The following ADCYAP1 variants were observed in gnomAD, a reference collection of about 807,000 sequenced individuals.
ADCYAP1 encodes pituitary adenylate cyclase-activating polypeptide.
In ADCYAP1, 6 loss-of-function variants were observed where a neutral mutation model predicts 18.5. That is an observed-to-expected ratio of 0.32 (90% CI 0.18 to 0.64). The LOEUF is 0.64. ADCYAP1 is among the 30% of genes least tolerant of loss of function. The pLI is 0.77. For missense variants in ADCYAP1, 314 were observed against 253.6 expected (o/e 1.24, Z -1.62); for synonymous variants, 136 against 113.9 (o/e 1.19, Z -1.24).
In ADCYAP1 at chr18:910,052, A is replaced by G. The variant is rs1031468207; in HGVS notation, c.*417A>G. On this transcript the variant is annotated 3_prime_UTR_variant, in exon 5 of 5. Transcript: ENST00000450565. Reference sequence around the variant, plus strand: ...TTTTGTAAACTGGAATTAAAAGGATAGTATTTTTATCCATGACAGGCCTGA... The same window carrying G: ...TTTTGTAAACTGGAATTAAAAGGATGGTATTTTTATCCATGACAGGCCTGA... The G allele has an allele frequency of 2.6e-5, 4 of 152,600 alleles. No individual in the cohort carries two copies. Among genetic ancestry groups the G allele is most frequent in the African/African-American group, 9.7e-5 (4 of 41,440 alleles). 9.5% of individuals were successfully genotyped at this position (152,600 alleles called of 1,614,324 possible).
rs576442689 is a variant in ADCYAP1, at chr18:904,920, G to C, written c.-142G>C. 7.0e-5 allele frequency: 90 copies of C among 1,289,848 alleles called. No individual in the cohort carries two copies. The highest frequency in any genetic ancestry group is 9.2e-5 in the Admixed American group (4 of 43,564). The allele number at this position is 1,289,848 out of a possible 1,614,324, so 79.9% of individuals were successfully genotyped here. A position where few individuals can be genotyped will look rare whatever the true frequency, so the allele number is the denominator to read the frequency against. ...TCCCGCAGCTCCTCCTGCTGCTCCC[G>C]CTGGTTCCTGCGGCTTCTGCTCAGA... is the stretch of plus-strand genomic sequence containing the variant. On this transcript the variant is annotated 5_prime_UTR_variant, in exon 1 of 5. Transcript: ENST00000450565.
intron 3 of ADCYAP1, 126 bp from the exon 4 acceptor site, chr18:908,139 G>A: frequency 1.2e-6 from 1 of 819,800 alleles, no homozygotes; most frequent in East Asian, 2.8e-5. Context: ...CGAGTTCTGG[G>A]CCTCTGGAGG....
chr18:907,049 TAA>T (rs1909193980), intron 2 of ADCYAP1, among the ~76,000 whole-genome samples: 1 of 152,182 alleles, frequency 6.6e-6, no homozygotes, highest in Admixed American at 6.5e-5. Flanking sequence ...CCGAACTGGC[TAA>T]GTTTAGGGGC....
rs1909399520 is a variant in ADCYAP1, at chr18:911,833, T to C, written c.*2198T>C. ...ATGGGCAGAGTTTTCTGTATTTGTA[T>C]CAGCTGTTAGTGGTGAAATAGGGCT... is the stretch of plus-strand genomic sequence containing the variant. On this transcript the variant is annotated 3_prime_UTR_variant, in exon 5 of 5. Transcript: ENST00000450565. The C allele has an allele frequency of 6.6e-6, 1 of 152,240 alleles. No individual in the cohort carries two copies. The highest frequency in any genetic ancestry group is 2.4e-5 in the African/African-American group (1 of 41,466). 9.4% of individuals were successfully genotyped at this position (152,240 alleles called of 1,614,324 possible). A position where few individuals can be genotyped will look rare whatever the true frequency, so the allele number is the denominator to read the frequency against.
rs1909222537 is a variant in ADCYAP1, at chr18:907,679, G to A, written c.131G>A (p.Gly44Asp). The A allele has an allele frequency of 6.3e-7, 1 of 1,575,926 alleles. No individual in the cohort carries two copies. Among genetic ancestry groups the A allele is most frequent in the Non-Finnish European group, 8.6e-7 (1 of 1,169,390 alleles). Reference protein sequence around the residue: ...PGIRPEEEAYGEDGNPLPDFD... With the variant: ...PGIRPEEEAYDEDGNPLPDFD... Reference sequence around the variant, plus strand: ...CGCAGGCCAGAGGAAGAGGCGTACGGCGAGGACGGAAACCCGCTGCCAGAC... The same window carrying A: ...CGCAGGCCAGAGGAAGAGGCGTACGACGAGGACGGAAACCCGCTGCCAGAC... The change falls in exon 3 of 5, where the codon GGC becomes GAC. Residue 44 changes from glycine (G) to aspartate (D), a missense_variant. Gly to Asp is a moderately conservative substitution (Grantham distance 94). Transcript: ENST00000450565.
At chr18:907,841 CG>C in intron 3 of ADCYAP1, 51 bp downstream of exon 3, 1 of 1,412,282 alleles carries the variant, frequency 7.1e-7, no homozygotes, top group Non-Finnish European at 9.1e-7. Context: ...CTCGGGACTG[CG>C]GTGACGGGAG....
chr18:905,360 T>G (rs1909122668), intron 1 of ADCYAP1, 26 bp from the exon 2 acceptor site: 24 of 1,611,252 alleles, frequency 1.5e-5, no homozygotes, highest in Non-Finnish European at 1.9e-5. Flanking sequence ...CTCACAGCTG[T>G]GTGTCCTCTT....
intron 2 of ADCYAP1, 81 bp from the exon 3 acceptor site, chr18:907,578 G>A: frequency 1.4e-6 from 2 of 1,427,590 alleles, no homozygotes; most frequent in Non-Finnish European, 1.9e-6. Context: ...GAAAATCCGC[G>A]CGAGCCCCTT....
upstream of ADCYAP1, chr18:904,500 C>T (rs1425351684): frequency 4.7e-6 from 6 of 1,289,154 alleles, no homozygotes; most frequent in Non-Finnish European, 6.1e-6. Context: ...GCGAACTGCA[C>T]AGATAAATAG....
At position 907,724 on chromosome 18, in the gene ADCYAP1, C is replaced by T; in HGVS notation, c.176C>T (p.Pro59Leu). The change falls in exon 3 of 5, where the codon CCG becomes CTG. Residue 59 changes from proline to leucine, a missense_variant. Transcript: ENST00000450565. ...CCAGACTTCGATGGCTCGGAGCCGC[C>T]GGGCGCAGGGAGCCCCGCCTCCGCG... The part of the protein sequence containing the change: ...PLPDFDGSEP[P>L]GAGSPASAPR... The T allele has an allele frequency of 1.3e-6, 2 of 1,535,012 alleles. No homozygotes were observed. The highest frequency in any genetic ancestry group is 8.7e-7 in the Non-Finnish European group (1 of 1,147,740).
chr18:904,463 C>T (rs745880059), upstream of ADCYAP1: 5 of 1,289,108 alleles, frequency 3.9e-6, no homozygotes, highest in South Asian at 4.9e-5. Context: ...AGAGGGCTCT[C>T]CAAAAACCAT....
chr18:907,103 A>T (rs1356150761), intron 2 of ADCYAP1, among the ~76,000 whole-genome samples: 1 of 152,140 alleles, frequency 6.6e-6, no homozygotes, highest in Non-Finnish European at 1.5e-5. Context: ...CCTGCCCAAA[A>T]TAGAAACCGA....
In ADCYAP1 at chr18:905,394, T is replaced by A; in HGVS notation, c.8T>A (p.Met3Lys). The change falls in exon 2 of 5, where the codon ATG becomes AAG. Residue 3 changes from methionine to lysine, a missense_variant. By Grantham distance (95) the Met-to-Lys change is moderately conservative. Transcript: ENST00000450565. The stretch of plus-strand genomic sequence containing the variant: ...TTTCCCATCCTGCGCAGAATGACCA[T>A]GTGTAGCGGAGCGAGGCTGGCCCTG... MT[M>K]CSGARLALLV... 6.2e-7 allele frequency: 1 copy of A among 1,613,050 alleles called. No homozygotes were observed.
At chr18:908,893 G>T (rs950222334) in intron 4 of ADCYAP1, among the ~76,000 whole-genome samples, 6 of 151,996 alleles carry the variant, frequency 3.9e-5, no homozygotes, top group Non-Finnish European at 8.8e-5. Context: ...TTACATTTTC[G>T]CCATGAATAA....
intron 3 of ADCYAP1, chr18:908,018 A>C (rs527424382): frequency 2.5e-6 from 2 of 808,092 alleles, no homozygotes; most frequent in Admixed American, 3.1e-5. Flanking sequence ...TGGCCCAAAG[A>C]GTGGCAGTGA....
Position 907,596 on chromosome 18 carries a change from A to C in ADCYAP1, c.111-63A>C, listed in dbSNP as rs536257877. The C allele has an allele frequency of 7.2e-5, 109 of 1,510,332 alleles. No individual in the cohort carries two copies. In the African/African-American group the frequency reaches 1.2e-3, roughly 17 times the overall value. The allele number at this position is 1,510,332 out of a possible 1,614,324, so 93.6% of individuals were successfully genotyped here. A position where few individuals can be genotyped will look rare whatever the true frequency, so the allele number is the denominator to read the frequency against. ...AATCCGCGCGAGCCCCTTACTTTGG[A>C]TCCTCGCCGAGCTGGGGAGGAACTT... is the stretch of plus-strand genomic sequence containing the variant. On this transcript the variant is annotated intron_variant, in intron 2 of 4. Coordinates refer to ENST00000450565, the MANE Select transcript of ADCYAP1 (RefSeq NM_001099733.2).
chr18:904,737 T>TGGAC, upstream of ADCYAP1: 1 of 1,245,142 alleles, frequency 8.0e-7, no homozygotes. Context: ...TTCCTCCGGG[T>TGGAC]GGACTTACGG....
At chr18:905,266 A>G in intron 1 of ADCYAP1, 120 bp from the exon 2 acceptor site, 1 of 1,509,042 alleles carries the variant, frequency 6.6e-7, no homozygotes, top group Non-Finnish European at 8.8e-7. Flanking sequence ...AGTGCTGTTC[A>G]ACTCAGGGAG....
rs1909099559 is a variant in ADCYAP1, at chr18:904,899, G to A, written c.-163G>A. The A allele has an allele frequency of 2.3e-6, 3 of 1,288,910 alleles. No homozygotes were observed. The highest frequency in any genetic ancestry group is 3.0e-6 in the Non-Finnish European group (3 of 988,486). 79.8% of individuals were successfully genotyped at this position (1,288,910 alleles called of 1,614,324 possible). A position where few individuals can be genotyped will look rare whatever the true frequency, so the allele number is the denominator to read the frequency against. ...ACACGAGCCTCGGCAAACGAGTCCC[G>A]CAGCTCCTCCTGCTGCTCCCGCTGG... On this transcript the variant is annotated 5_prime_UTR_variant, in exon 1 of 5. Transcript: ENST00000450565.
Sources: allele counts gnomAD v4.1 joint callset (sites outside exome capture counted in the v4.1 genomes callset), GRCh38; gene constraint gnomAD v4.1.1; transcripts MANE v1.5; gene names NCBI Gene and HGNC (gene_info 2026-07-23, HGNC 2026-07-21).